The following TLK2 variants were observed in gnomAD, a reference collection of about 807,000 sequenced individuals.
TLK2 encodes the protein tousled like kinase 2.
Under a neutral mutation model 117.3 loss-of-function variants are expected in TLK2, and 6 were observed. That is an observed-to-expected ratio of 0.05 (90% CI 0.03 to 0.10). TLK2 has a LOEUF of 0.10. Ranked by LOEUF, TLK2 falls within the 10% of genes least tolerant of loss-of-function variation. The pLI, the probability that TLK2 is intolerant of heterozygous loss-of-function variation, is 1.00. For missense variants in TLK2, 299 were observed against 901.2 expected, an observed-to-expected ratio of 0.33 and a Z score of 8.56; for synonymous variants, 257 against 316.7, an observed-to-expected ratio of 0.81 and a Z score of 2.00.
intron 2 of TLK2, among the ~76,000 whole-genome samples, chr17:62,492,186 G>C (rs931771076): frequency 3.9e-5 from 6 of 152,192 alleles, no homozygotes; most frequent in African/African-American, 1.4e-4. Flanking sequence ...AGGAACAAAG[G>C]TTCTATAGGA....
chr17:62,567,430 C>T (rs2079886186), intron 11 of TLK2, among the ~76,000 whole-genome samples: 1 of 152,182 alleles, frequency 6.6e-6, no homozygotes, highest in Admixed American at 6.5e-5. Context: ...AAGTAGGACT[C>T]TTCACTGTAG....
intron 11 of TLK2, among the ~76,000 whole-genome samples, chr17:62,571,910 G>A (rs538276790): frequency 6.6e-6 from 1 of 152,150 alleles, no homozygotes; most frequent in South Asian, 2.1e-4. Context: ...GCTCATGCCT[G>A]TAATCCCAGC....
chr17:62,496,559 G>A (rs2073707486), intron 2 of TLK2, among the ~76,000 whole-genome samples: 1 of 152,042 alleles, frequency 6.6e-6, no homozygotes, highest in South Asian at 2.1e-4. Context: ...AGGCATCAGG[G>A]TCCTTGAACT....
At chr17:62,567,967 T>C (rs1389508610) in intron 11 of TLK2, among the ~76,000 whole-genome samples, 2 of 152,188 alleles carry the variant, frequency 1.3e-5, no homozygotes. Context: ...TATGTTTGAA[T>C]CTTTTGAAAA....
chr17:62,569,818 TC>T (rs1404486769), intron 11 of TLK2, among the ~76,000 whole-genome samples: 4 of 152,278 alleles, frequency 2.6e-5, no homozygotes, highest in African/African-American at 9.6e-5. Flanking sequence ...GCATTTCAGT[TC>T]CTGGGATGCT....
chr17:62,481,349 C>G (rs1288171102), intron 2 of TLK2, 143 bp downstream of exon 2: 1 of 802,142 alleles, frequency 1.2e-6, no homozygotes, highest in East Asian at 2.7e-5. Flanking sequence ...CTTTTAGATC[C>G]TACTGGTCAT....
intron 2 of TLK2, among the ~76,000 whole-genome samples, chr17:62,517,661 C>T (rs34272624): frequency 0.013 from 1,915 of 151,990 alleles, 20 homozygotes; most frequent in Non-Finnish European, 0.022. Flanking sequence ...GGATTACAGG[C>T]GTGAGCCACC....
intron 16 of TLK2, among the ~76,000 whole-genome samples, chr17:62,587,800 G>C (rs1040736673): frequency 3.3e-5 from 5 of 152,144 alleles, no homozygotes; most frequent in African/African-American, 1.2e-4. Context: ...AGTGCCAGGA[G>C]CACTTCAGAG....
intron 2 of TLK2, among the ~76,000 whole-genome samples, chr17:62,517,651 G>A (rs915076254): frequency 1.3e-5 from 2 of 151,884 alleles, no homozygotes; most frequent in African/African-American, 4.8e-5. Flanking sequence ...CAAAGTGCTG[G>A]GATTACAGGC....
At chr17:62,580,060 G>A (rs2081097849) in intron 14 of TLK2, 51 bp from the exon 15 acceptor site, 3 of 1,500,302 alleles carry the variant, frequency 2.0e-6, no homozygotes, top group African/African-American at 1.4e-5. Context: ...TGCAAGCGTG[G>A]AAGACTGTAG....
chr17:62,596,555 C>A, intron 16 of TLK2, 30 bp from the exon 17 acceptor site: 5 of 1,568,470 alleles, frequency 3.2e-6, no homozygotes, highest in Non-Finnish European at 3.5e-6. Context: ...GCCAATATAC[C>A]TTCTTGTTAA....
chr17:62,560,872 A>G lies in TLK2; in HGVS notation c.831+746A>G, dbSNP rs1488566162. On this transcript the variant is annotated intron_variant, in intron 10 of 21. Transcript: ENST00000346027. ...TTTAAGTTTTAGGGTATATGTGCAC[A>G]ACATGCAGGTTAGTTACATATGTAT... 5.9e-5 allele frequency among the ~76,000 whole-genome samples: 9 copies of G among 151,978 alleles called. No individual in the cohort carries two copies. In the South Asian group the frequency reaches 1.7e-3, roughly 28 times the overall value.
chr17:62,555,007 T>C (rs1452346414), intron 9 of TLK2, among the ~76,000 whole-genome samples: 1 of 151,926 alleles, frequency 6.6e-6, no homozygotes. Flanking sequence ...GAAGTAGATA[T>C]GTGTGTGTAT....
upstream of TLK2, among the ~76,000 whole-genome samples, chr17:62,475,126 G>A (rs777728461): frequency 1.1e-4 from 17 of 152,094 alleles, no homozygotes; most frequent in Non-Finnish European, 2.5e-4. Context: ...AAGAAGAGAG[G>A]AAATAACTGG....
At chr17:62,549,398 CAAAAAAA>C (rs777779302) in intron 7 of TLK2, among the ~76,000 whole-genome samples, 4 of 37,124 alleles carry the variant, frequency 1.1e-4, no homozygotes, top group Admixed American at 3.1e-4. Context: ...GACTCCATCT[CAAAAAAA>C]AAAAAAAAAA....
chr17:62,531,674 T>A (rs758990635), intron 6 of TLK2, among the ~76,000 whole-genome samples: 3 of 152,218 alleles, frequency 2.0e-5, no homozygotes, highest in Non-Finnish European at 2.9e-5. Flanking sequence ...AGGGAAAATT[T>A]TTATTTGCTC....
intron 2 of TLK2, among the ~76,000 whole-genome samples, chr17:62,481,500 A>G (rs1598094723): frequency 6.6e-6 from 1 of 152,346 alleles, no homozygotes; most frequent in Admixed American, 6.5e-5. Context: ...ATTCTATGCC[A>G]TATTTTGTTA....
At chr17:62,569,082 A>G (rs901610514) in intron 11 of TLK2, among the ~76,000 whole-genome samples, 3 of 151,702 alleles carry the variant, frequency 2.0e-5, no homozygotes, top group East Asian at 4.0e-4. Flanking sequence ...AGGTGGGTGC[A>G]TATCCTGAGG....
chr17:62,486,537 T>A (rs2144549771), intron 2 of TLK2, among the ~76,000 whole-genome samples: 1 of 152,316 alleles, frequency 6.6e-6, no homozygotes, highest in Middle Eastern at 3.4e-3. Context: ...TGACTATATC[T>A]TGAATTCATA....
Sources: allele counts gnomAD v4.1 joint callset (sites outside exome capture counted in the v4.1 genomes callset), GRCh38; gene constraint gnomAD v4.1.1; transcripts MANE v1.5; gene names NCBI Gene and HGNC (gene_info 2026-07-23, HGNC 2026-07-21).